Variants in GPCPD1 observed in about 807,000 individuals in gnomAD.
GPCPD1 encodes glycerophosphocholine phosphodiesterase 1.
In GPCPD1, 29 loss-of-function variants were observed where a neutral mutation model predicts 89.2. The observed-to-expected ratio is 0.33, with a 90% CI of 0.24 to 0.44. The LOEUF is 0.44. Ranked by LOEUF, GPCPD1 falls within the 20% of genes least tolerant of loss-of-function variation. GPCPD1 has a pLI of 1.00. For missense variants in GPCPD1, 594 were observed against 808.9 expected (o/e 0.73, Z 3.22); for synonymous variants, 258 against 266.3 (o/e 0.97, Z 0.30).
chr20:5,599,101 C>A (rs1459623230), intron 2 of GPCPD1, among the ~76,000 whole-genome samples: 1 of 152,110 alleles, frequency 6.6e-6, no homozygotes, highest in East Asian at 1.9e-4. Flanking sequence ...TAACAAGAAC[C>A]CAAGAGTACA....
At chr20:5,604,211 C>T (rs1980386208) in intron 2 of GPCPD1, among the ~76,000 whole-genome samples, 153 bp downstream of exon 2, 2 of 152,134 alleles carry the variant, frequency 1.3e-5, no homozygotes, top group African/African-American at 4.8e-5. Context: ...GTTTACTATG[C>T]TCCAAGCACA....
At chr20:5,596,787 A>G (rs1396463564) in intron 3 of GPCPD1, among the ~76,000 whole-genome samples, 1 of 152,220 alleles carries the variant, frequency 6.6e-6, no homozygotes, top group East Asian at 1.9e-4. Flanking sequence ...ACACAATTTT[A>G]AAACTCACGA....
intron 19 of GPCPD1, among the ~76,000 whole-genome samples, chr20:5,556,719 T>A (rs1985790551): frequency 6.6e-6 from 1 of 152,028 alleles, no homozygotes; most frequent in Admixed American, 6.5e-5. Context: ...AAGAAGCTGA[T>A]GGAAAAAAAA....
At chr20:5,572,851 G>A (rs1306615477) in intron 11 of GPCPD1, among the ~76,000 whole-genome samples, 3 of 151,780 alleles carry the variant, frequency 2.0e-5, no homozygotes, top group Non-Finnish European at 4.4e-5. Flanking sequence ...GTATGCAAGG[G>A]TGGAAACTGA....
chr20:5,574,761 G>A (rs983072686), intron 10 of GPCPD1, among the ~76,000 whole-genome samples: 1 of 152,072 alleles, frequency 6.6e-6, no homozygotes, highest in Non-Finnish European at 1.5e-5. Context: ...AAAGGTGGGG[G>A]CAGGTGAGGG....
At chr20:5,549,153 AG>A in intron 19 of GPCPD1, 2 of 652,088 alleles carry the variant, frequency 3.1e-6, no homozygotes, top group Admixed American at 3.8e-5. Flanking sequence ...AAAAACAAAC[AG>A]GGAGGATGAT....
intron 11 of GPCPD1, among the ~76,000 whole-genome samples, chr20:5,570,649 T>C (rs1236065064): frequency 6.6e-6 from 1 of 152,168 alleles, no homozygotes; most frequent in Non-Finnish European, 1.5e-5. Context: ...AGGGAAGGAA[T>C]AAGCTGCAAA....
At chr20:5,560,964 C>T (rs1373275392) in intron 16 of GPCPD1, among the ~76,000 whole-genome samples, 1 of 152,106 alleles carries the variant, frequency 6.6e-6, no homozygotes, top group Non-Finnish European at 1.5e-5. Flanking sequence ...CTACTTGTCC[C>T]GAGCACTTGG....
chr20:5,605,333 A>G (rs1487879123), intron 1 of GPCPD1, among the ~76,000 whole-genome samples: 1 of 152,222 alleles, frequency 6.6e-6, no homozygotes, highest in African/African-American at 2.4e-5. Flanking sequence ...AAAAACAACT[A>G]TAGAGAGAAA....
rs1179323707 is a variant in GPCPD1 at position 5,575,418 on chromosome 20, AGTT to A, written c.993_995del (p.Thr332del). 10 of 1,605,624 alleles carry A rather than the reference AGTT, an allele frequency of 6.2e-6. No homozygotes were observed. The highest frequency in any genetic ancestry group is 1.1e-5 in the South Asian group (1 of 89,970). On this transcript the variant is annotated inframe_deletion, in exon 10 of 20. Transcript: ENST00000379019. Reference sequence around the variant, plus strand: ...TACTCAAATATTCAACTTACTGGGCAGTTGTTGTAGAGTTTCCTGCACCTCGAT... The same window carrying A: ...TACTCAAATATTCAACTTACTGGGCAGTTGTAGAGTTTCCTGCACCTCGAT...
chr20:5,583,199 G>C (rs1037647274), intron 6 of GPCPD1, among the ~76,000 whole-genome samples: 1 of 142,906 alleles, frequency 7.0e-6, no homozygotes, highest in Non-Finnish European at 1.5e-5. Context: ...ACTCCAGCCT[G>C]GGCAACAGGT....
At chr20:5,607,821 T>TAA (rs11478411) in intron 1 of GPCPD1, among the ~76,000 whole-genome samples, 22 of 112,942 alleles carry the variant, frequency 1.9e-4, no homozygotes, top group Admixed American at 3.7e-4. Context: ...CTGTCTCAAA[T>TAA]AAAAAAAAAA....
intron 3 of GPCPD1, among the ~76,000 whole-genome samples, chr20:5,593,743 G>A (rs1979501393): frequency 6.6e-6 from 1 of 152,202 alleles, no homozygotes; most frequent in Non-Finnish European, 1.5e-5. Context: ...TCTAAATGAT[G>A]AGAAGGAACC....
intron 8 of GPCPD1, among the ~76,000 whole-genome samples, chr20:5,577,735 G>C (rs548873841): frequency 6.6e-6 from 1 of 152,158 alleles, no homozygotes; most frequent in African/African-American, 2.4e-5. Context: ...TGGAGCTAGA[G>C]GGTAAGGAAA....
chr20:5,562,763 T>C (rs1986162178), intron 15 of GPCPD1, among the ~76,000 whole-genome samples: 1 of 152,210 alleles, frequency 6.6e-6, no homozygotes, highest in African/African-American at 2.4e-5. Flanking sequence ...GCATGTAAAG[T>C]ACAGCATCTA....
chr20:5,604,490 C>T (rs1600810777), intron 1 of GPCPD1, 50 bp from the exon 2 acceptor site: 3 of 799,666 alleles, frequency 3.8e-6, no homozygotes. Context: ...TATGCCTTAG[C>T]TAGCCACCAT....
intron 3 of GPCPD1, among the ~76,000 whole-genome samples, chr20:5,596,683 G>C (rs1255970992): frequency 6.6e-6 from 1 of 152,160 alleles, no homozygotes; most frequent in Non-Finnish European, 1.5e-5. Context: ...TGAGCCTGTG[G>C]GTAGGGAGAG....
intron 15 of GPCPD1, among the ~76,000 whole-genome samples, chr20:5,563,854 T>C (rs1190306135): frequency 6.6e-6 from 1 of 152,208 alleles, no homozygotes; most frequent in African/African-American, 2.4e-5. Context: ...AAAATCTTCA[T>C]TATGGTCACT....
At position 5,583,635 on chromosome 20, in the gene GPCPD1, A is replaced by C. The variant is rs145420333; in HGVS notation, c.349+646T>G. On this transcript the variant is annotated intron_variant, in intron 6 of 19. Transcript: ENST00000379019. ...ACATTTTCAACATATTCAGAAGTTAAAGCATTTTCTACTCTATCTCAAACT... is the reference window on the plus strand; with the variant it reads ...ACATTTTCAACATATTCAGAAGTTACAGCATTTTCTACTCTATCTCAAACT... Among the ~76,000 whole-genome samples the C allele has an allele frequency of 1.5e-3, 226 of 152,344 alleles. 1 individual carries two copies. Among genetic ancestry groups the C allele is most frequent in the African/African-American group, 5.2e-3 (218 of 41,584 alleles).
Sources: allele counts gnomAD v4.1 joint callset (sites outside exome capture counted in the v4.1 genomes callset), GRCh38; gene constraint gnomAD v4.1.1; transcripts MANE v1.5; gene names NCBI Gene and HGNC (gene_info 2026-07-23, HGNC 2026-07-21).